The following KIF4A variants were observed in gnomAD, a reference collection of about 807,000 sequenced individuals.
KIF4A encodes the protein chromosome-associated kinesin KIF4A.
In KIF4A, 7 loss-of-function variants were observed where a neutral mutation model predicts 105.9. The observed-to-expected ratio is 0.07, with a 90% CI of 0.04 to 0.12. The LOEUF (loss-of-function observed/expected upper bound fraction) is 0.12, where lower values mean the gene tolerates loss of function less well. KIF4A is among the 10% of genes least tolerant of loss of function. KIF4A has a pLI of 1.00. For synonymous variants in KIF4A, 281 were observed against 331.3 expected (o/e 0.85, Z 1.65); for missense variants, 558 against 929.2 (o/e 0.60, Z 5.19).
At position 70,325,916 on chromosome X, in the gene KIF4A, T is replaced by C. The variant is rs186755616; in HGVS notation, c.779-3489T>C. On this transcript the variant is annotated intron_variant, in intron 7 of 30. Coordinates refer to ENST00000374403, the MANE Select transcript of KIF4A (RefSeq NM_012310.5). ...TAGGTAAGATCGGTATTTTCCCTGTTTTATGGATAAAAGAAAGTTTCAGTG... is the reference window on the plus strand; with the variant it reads ...TAGGTAAGATCGGTATTTTCCCTGTCTTATGGATAAAAGAAAGTTTCAGTG... 5.4e-5 allele frequency among the ~76,000 whole-genome samples: 6 copies of C among 111,943 alleles called. No individual in the cohort carries two copies. In the Admixed American group the frequency reaches 5.7e-4, roughly 11 times the overall value.
intron 13 of KIF4A, among the ~76,000 whole-genome samples, chrX:70,344,278 C>T (rs929283352): frequency 8.9e-6 from 1 of 112,311 alleles, no homozygotes; most frequent in Non-Finnish European, 1.9e-5. Context: ...TTGCTGTCCT[C>T]ACAGTGTAGG....
At chrX:70,293,282 A>G (rs904798002) in intron 3 of KIF4A, among the ~76,000 whole-genome samples, 1 of 112,649 alleles carries the variant, frequency 8.9e-6, no homozygotes, top group African/African-American at 3.2e-5. Flanking sequence ...ATCTTGGTAA[A>G]TAGCAGATAA....
intron 18 of KIF4A, among the ~76,000 whole-genome samples, chrX:70,380,848 A>G (rs1051483388): frequency 1.8e-5 from 2 of 112,491 alleles, no homozygotes; most frequent in African/African-American, 3.2e-5. Flanking sequence ...TATAAGATCA[A>G]TATAAGAAAA....
chrX:70,292,969 G>A (rs891506830), intron 3 of KIF4A, among the ~76,000 whole-genome samples: 2 of 112,087 alleles, frequency 1.8e-5, no homozygotes, highest in African/African-American at 3.2e-5. Context: ...GCACCCTCTT[G>A]TACTCTGAAC....
chrX:70,313,598 C>T (rs774888311), intron 7 of KIF4A, among the ~76,000 whole-genome samples: 1 of 112,044 alleles, frequency 8.9e-6, no homozygotes, highest in South Asian at 3.7e-4. Context: ...AATCCACTAC[C>T]TTCAAGTCTG....
intron 15 of KIF4A, chrX:70,361,491 T>C (rs2086075233): frequency 6.5e-6 from 1 of 154,751 alleles, no homozygotes; most frequent in Non-Finnish European, 1.4e-5. Context: ...GTCCCCGGGT[T>C]ACAGAAGGGG....
chrX:70,364,599 T>C (rs2147712661), intron 15 of KIF4A, among the ~76,000 whole-genome samples: 1 of 110,376 alleles, frequency 9.1e-6, no homozygotes, highest in East Asian at 2.8e-4. Flanking sequence ...CATTGATCTA[T>C]ATCTCTGTTT....
intron 18 of KIF4A, among the ~76,000 whole-genome samples, chrX:70,384,227 A>G (rs921417917): frequency 8.9e-6 from 1 of 111,969 alleles, no homozygotes; most frequent in Non-Finnish European, 1.9e-5. Flanking sequence ...TGGGCACTCA[A>G]TAATGTTTAG....
At chrX:70,391,720 A>G (rs1188027788) in intron 20 of KIF4A, among the ~76,000 whole-genome samples, 1 of 110,896 alleles carries the variant, frequency 9.0e-6, no homozygotes, top group Non-Finnish European at 1.9e-5. Flanking sequence ...TGTCACACAG[A>G]TAATCAGCAT....
In KIF4A at chrX:70,419,668, T is replaced by G. The variant is rs1264658125; in HGVS notation, c.3380T>G (p.Leu1127Trp). Residue 1127 changes from leucine (L) to tryptophan (W), a missense_variant, in exon 30 of 31, where the codon TTG becomes TGG. Physicochemically the swap from Leu to Trp is moderately conservative, Grantham distance 61. Around this residue, in one of 2 missense-constraint regions of KIF4A, gnomAD observed 469 missense variants for 680.4 expected, o/e 0.69. Coordinates refer to ENST00000374403, the MANE Select transcript of KIF4A (RefSeq NM_012310.5). ...TGTCTGCTTGATTTTCAGGATAGCT[T>G]GGGCACTGTTGAACGGACCCAGGAT... is the stretch of plus-strand genomic sequence containing the variant. Reference protein sequence around the residue: ...CRNRQQGKDSLGTVERTQDSE... With the variant: ...CRNRQQGKDSWGTVERTQDSE... 9 of 1,207,555 alleles carry G rather than the reference T, an allele frequency of 7.5e-6. No homozygotes were observed. The highest frequency in any genetic ancestry group is 8.9e-6 in the Non-Finnish European group (8 of 894,914).
At chrX:70,369,703 T>G (rs1602780214) in intron 15 of KIF4A, among the ~76,000 whole-genome samples, 1 of 111,790 alleles carries the variant, frequency 8.9e-6, no homozygotes, top group African/African-American at 3.2e-5. Context: ...TCTCCATGAC[T>G]AATTAAGTTA....
At chrX:70,337,545 C>T (rs2085955338) in intron 10 of KIF4A, among the ~76,000 whole-genome samples, 1 of 110,917 alleles carries the variant, frequency 9.0e-6, no homozygotes, top group South Asian at 3.8e-4. Flanking sequence ...TGGTGTGCAC[C>T]TGTAGTCCCA....
intron 3 of KIF4A, among the ~76,000 whole-genome samples, chrX:70,296,369 G>A (rs1170443626): frequency 1.8e-5 from 2 of 111,649 alleles, no homozygotes; most frequent in Non-Finnish European, 3.8e-5. Flanking sequence ...ACAGGTATGA[G>A]TCACGGAACC....
chrX:70,346,320 G>C (rs1000784540), intron 13 of KIF4A, among the ~76,000 whole-genome samples: 5 of 111,354 alleles, frequency 4.5e-5, no homozygotes, highest in African/African-American at 1.6e-4. Flanking sequence ...AGCTGCCTCA[G>C]AATTAAGATA....
chrX:70,412,358 A>G (rs1374246175), intron 28 of KIF4A, among the ~76,000 whole-genome samples: 2 of 111,857 alleles, frequency 1.8e-5, no homozygotes, highest in South Asian at 3.8e-4. Context: ...GAGCCTAATC[A>G]TTCTTTATGA....
chrX:70,365,262 A>C (rs889555304), intron 15 of KIF4A, among the ~76,000 whole-genome samples: 72 of 111,842 alleles, frequency 6.4e-4, no homozygotes, highest in African/African-American at 2.2e-3. Flanking sequence ...TTCCCTGGCC[A>C]GAACTTCCAA....
At chrX:70,400,893 A>T (rs1419006498) in intron 22 of KIF4A, among the ~76,000 whole-genome samples, 1 of 108,371 alleles carries the variant, frequency 9.2e-6, no homozygotes, top group Non-Finnish European at 1.9e-5. Flanking sequence ...TCAGCCTCCC[A>T]AGTAGCTGGG....
chrX:70,375,215 G>A lies in KIF4A; in HGVS notation c.1790G>A (p.Arg597His), dbSNP rs776119196. The change falls in exon 17 of 31, where the codon CGC becomes CAC. Residue 597 changes from arginine to histidine, a missense_variant. By Grantham distance (29) the Arg-to-His change is conservative. This residue lies in a region of KIF4A where 469 missense variants were observed against 680.4 expected (regional missense o/e 0.69). Coordinates refer to ENST00000374403, the MANE Select transcript of KIF4A (RefSeq NM_012310.5). Reference protein sequence around the residue: ...KDANQAKLSERRRKRLQELEG... With the variant: ...KDANQAKLSEHRRKRLQELEG... ...GCATCTGTGTTTAGGTTGAGTGAGCGCCGCCGCAAACGTCTCCAGGAGCTG... is the reference window on the plus strand; with the variant it reads ...GCATCTGTGTTTAGGTTGAGTGAGCACCGCCGCAAACGTCTCCAGGAGCTG... 7.4e-6 allele frequency: 9 copies of A among 1,208,315 alleles called. No homozygotes were observed. Among genetic ancestry groups the A allele is most frequent in the South Asian group, 3.5e-5 (2 of 56,654 alleles).
chrX:70,350,172 G>A (rs2086022851), intron 13 of KIF4A, among the ~76,000 whole-genome samples: 1 of 111,315 alleles, frequency 9.0e-6, no homozygotes, highest in African/African-American at 3.3e-5. Flanking sequence ...CCGAGATCAC[G>A]CCACTGCACT....
Sources: allele counts gnomAD v4.1 joint callset (sites outside exome capture counted in the v4.1 genomes callset), GRCh38; gene constraint gnomAD v4.1.1; regional missense constraint gnomAD v4.1.1; transcripts MANE v1.5; gene names NCBI Gene and HGNC (gene_info 2026-07-23, HGNC 2026-07-21).